NUP98: variants seen among roughly 807,000 people sequenced by gnomAD.
NUP98 encodes the protein nucleoporin 98 and 96 precursor, also known as nuclear pore complex protein Nup98-Nup96.
Under a neutral mutation model 191.9 loss-of-function variants are expected in NUP98, and 26 were observed. The observed-to-expected ratio is 0.14, with a 90% CI of 0.10 to 0.19. The LOEUF (loss-of-function observed/expected upper bound fraction) is 0.19. Among genes scored for constraint, NUP98 ranks in the 10% least tolerant of loss-of-function variants. The pLI, the probability that NUP98 is intolerant of heterozygous loss-of-function variation, is 1.00. For synonymous variants in NUP98, 808 were observed against 778.4 expected, an observed-to-expected ratio of 1.04 and a Z score of -0.63; for missense variants, 1,941 against 2,178.8, an observed-to-expected ratio of 0.89 and a Z score of 2.17.
At chr11:3,721,168 C>G (rs538207699) in intron 16 of NUP98, 1 of 158,246 alleles carries the variant, frequency 6.3e-6, no homozygotes, top group African/African-American at 2.4e-5. Context: ...ACATCCCGGA[C>G]TATAAAAGGT....
intron 6 of NUP98, among the ~76,000 whole-genome samples, chr11:3,773,034 C>G (rs982227667): frequency 6.6e-6 from 1 of 152,060 alleles, no homozygotes; most frequent in Non-Finnish European, 1.5e-5. Flanking sequence ...CTGTACTTTG[C>G]ATAATTTTAC....
chr11:3,750,257 C>A (rs35620899), intron 11 of NUP98, among the ~76,000 whole-genome samples: 1 of 151,954 alleles, frequency 6.6e-6, no homozygotes, highest in Non-Finnish European at 1.5e-5. Context: ...GTAGCTTGGA[C>A]TACAGGCACA....
intron 26 of NUP98, among the ~76,000 whole-genome samples, chr11:3,693,850 A>C (rs1205912936): frequency 2.0e-5 from 3 of 152,232 alleles, no homozygotes; most frequent in African/African-American, 7.2e-5. Context: ...TTAAGATAAT[A>C]ATATAAGAGG....
intron 1 of NUP98, among the ~76,000 whole-genome samples, chr11:3,790,957 G>A (rs1362238472): frequency 2.0e-5 from 3 of 150,528 alleles, no homozygotes; most frequent in Non-Finnish European, 4.4e-5. Flanking sequence ...GTGAAGTGAC[G>A]CAATCTCGGC....
At chr11:3,730,722 A>G (rs1033969050) in intron 14 of NUP98, among the ~76,000 whole-genome samples, 1 of 152,050 alleles carries the variant, frequency 6.6e-6, no homozygotes, top group Non-Finnish European at 1.5e-5. Context: ...GTATCACTTG[A>G]GCTGCGGAGG....
intron 12 of NUP98, among the ~76,000 whole-genome samples, chr11:3,737,526 C>A (rs1467402116): frequency 6.6e-6 from 1 of 152,100 alleles, no homozygotes; most frequent in Non-Finnish European, 1.5e-5. Flanking sequence ...ACTCCGGAGG[C>A]TGAGGCAGGA....
intron 12 of NUP98, among the ~76,000 whole-genome samples, chr11:3,741,749 A>G (rs1245115598): frequency 1.3e-5 from 2 of 152,232 alleles, no homozygotes; most frequent in Non-Finnish European, 2.9e-5. Context: ...ATGTCAGGAC[A>G]AAAGGACAAT....
chr11:3,740,126 C>T (rs748768883), intron 12 of NUP98, among the ~76,000 whole-genome samples: 11 of 152,112 alleles, frequency 7.2e-5, no homozygotes, highest in Non-Finnish European at 1.3e-4. Context: ...TCAAATGACG[C>T]GTATCTACCT....
chr11:3,719,579 T>G (rs16929781), intron 17 of NUP98, 29 bp from the exon 18 acceptor site: 1 of 1,497,552 alleles, frequency 6.7e-7, no homozygotes, highest in African/African-American at 1.4e-5. Flanking sequence ...AGTTAAAAAT[T>G]CATTCTGTAT....
intron 20 of NUP98, among the ~76,000 whole-genome samples, chr11:3,707,754 A>AAAAAAAAAAAC (rs71041376): frequency 6.8e-6 from 1 of 146,714 alleles, no homozygotes. Context: ...AAAAAAAAAA[A>AAAAAAAAAAAC]TCCTGAAGGA....
At chr11:3,724,609 A>G (rs1342260334) in intron 15 of NUP98, among the ~76,000 whole-genome samples, 3 of 151,682 alleles carry the variant, frequency 2.0e-5, no homozygotes, top group Admixed American at 6.6e-5. Context: ...CTTGGCTAAC[A>G]AGGTGAAACG....
intron 14 of NUP98, among the ~76,000 whole-genome samples, chr11:3,730,727 C>T (rs573543492): frequency 2.6e-5 from 4 of 151,818 alleles, no homozygotes; most frequent in South Asian, 2.1e-4. Context: ...ACTTGAGCTG[C>T]GGAGGTTGAG....
intron 1 of NUP98, among the ~76,000 whole-genome samples, chr11:3,784,790 G>A (rs1287340529): frequency 6.6e-6 from 1 of 151,652 alleles, no homozygotes. Context: ...GAACAAAAAT[G>A]TCTAGGGCTG....
intron 7 of NUP98, among the ~76,000 whole-genome samples, chr11:3,770,132 G>A (rs1257317931): frequency 2.6e-5 from 4 of 151,256 alleles, no homozygotes; most frequent in South Asian, 4.2e-4. Context: ...ATCGCCTGAG[G>A]TCAGGGGTTC....
chr11:3,736,558 G>A (rs2084366884), intron 12 of NUP98, among the ~76,000 whole-genome samples: 1 of 152,206 alleles, frequency 6.6e-6, no homozygotes, highest in African/African-American at 2.4e-5. Context: ...AACCCAGGAA[G>A]TGGAGGTTTC....
At chr11:3,750,004 A>T (rs2080682487) in intron 11 of NUP98, among the ~76,000 whole-genome samples, 1 of 152,248 alleles carries the variant, frequency 6.6e-6, no homozygotes, top group African/African-American at 2.4e-5. Context: ...TAACACCTGC[A>T]AAATTATGTA....
At chr11:3,752,225 A>T (rs2080787577) in intron 11 of NUP98, among the ~76,000 whole-genome samples, 1 of 151,840 alleles carries the variant, frequency 6.6e-6, no homozygotes, top group Non-Finnish European at 1.5e-5. Flanking sequence ...TTCCATTAAG[A>T]AGGAAATGAC....
At position 3,790,564 on chromosome 11, in the gene NUP98, G is replaced by A. The variant is rs550636861; in HGVS notation, c.-29+6836C>T. ...TTACTGTTCTGACCTCTGTGCTGAT[G>A]TGCAAAATCAATGGTGTGCAAAAAT... is the stretch of plus-strand genomic sequence containing the variant. On this transcript the variant is annotated intron_variant, in intron 1 of 32. Transcript: ENST00000324932. Among the ~76,000 whole-genome samples, 227 of 152,248 alleles carry A rather than the reference G, an allele frequency of 1.5e-3. 1 individual carries two copies. Among genetic ancestry groups the A allele is most frequent in the African/African-American group, 4.6e-3 (189 of 41,538 alleles).
chr11:3,746,639 G>A (rs1454003126), intron 11 of NUP98, among the ~76,000 whole-genome samples: 2 of 151,798 alleles, frequency 1.3e-5, no homozygotes, highest in South Asian at 2.1e-4. Context: ...TGGGCTGGGC[G>A]CGGTGGCTCA....
Sources: allele counts gnomAD v4.1 joint callset (sites outside exome capture counted in the v4.1 genomes callset), GRCh38; gene constraint gnomAD v4.1.1; transcripts MANE v1.5; gene names NCBI Gene and HGNC (gene_info 2026-07-23, HGNC 2026-07-21).